NEB: variants seen among roughly 807,000 people sequenced by gnomAD.
NEB encodes the protein nebulin, also known as nemaline myopathy type 2.
A neutral mutation model predicts 952.2 loss-of-function variants in NEB; 512 were observed. The ratio of observed to expected loss-of-function variants is 0.54; its 90% CI spans 0.50 to 0.58. The LOEUF (loss-of-function observed/expected upper bound fraction) is 0.58, where lower values mean the gene tolerates loss of function less well. Among genes scored for constraint, NEB ranks in the 20% least tolerant of loss-of-function variants. The pLI, the probability that NEB is intolerant of heterozygous loss-of-function variation, is 0.00. For missense variants in NEB, 8,428 were observed against 9,231.1 expected (o/e 0.91, Z 3.56); for synonymous variants, 2,900 against 3,149.8 (o/e 0.92, Z 2.66).
In NEB at chr2:151,697,526, G is replaced by C; in HGVS notation, c.1257+18C>G. 6.2e-7 allele frequency: 1 copy of C among 1,605,404 alleles called. No homozygotes were observed. Among genetic ancestry groups the C allele is most frequent in the Non-Finnish European group, 8.5e-7 (1 of 1,173,348 alleles). Reference sequence around the variant, plus strand: ...GGGTTCTTTTTTTAACAGAAAGAGTGACAGTAGGATTGCTTACATCACTAC... The same window carrying C: ...GGGTTCTTTTTTTAACAGAAAGAGTCACAGTAGGATTGCTTACATCACTAC... On this transcript the variant is annotated intron_variant, in intron 14 of 181. Transcript: ENST00000397345.
chr2:151,609,765 C>A, intron 81 of NEB, 44 bp downstream of exon 81: 2 of 1,528,452 alleles, frequency 1.3e-6, no homozygotes, highest in Non-Finnish European at 1.8e-6. Context: ...ATGAACAAAT[C>A]TACATCTTCC....
Position 151,649,274 on chromosome 2 carries a change from A to T in NEB, c.7431+902T>A, listed in dbSNP as rs542075875. ...CATTCTGGAAATCAGCATTATAAAAAGTCTGTGAGGGGTTAGTTAGGAAAA... is the reference window on the plus strand; with the variant it reads ...CATTCTGGAAATCAGCATTATAAAATGTCTGTGAGGGGTTAGTTAGGAAAA... On this transcript the variant is annotated intron_variant, in intron 54 of 181. Coordinates refer to ENST00000397345, the MANE Select transcript of NEB (RefSeq NM_001164508.2). 2.6e-3 allele frequency among the ~76,000 whole-genome samples: 392 copies of T among 152,348 alleles called. 4 individuals are homozygous for T. The highest frequency in any genetic ancestry group is 8.7e-3 in the African/African-American group (360 of 41,586).
chr2:151,734,094 G>C (rs550046486), intron 1 of NEB, among the ~76,000 whole-genome samples: 5 of 152,302 alleles, frequency 3.3e-5, no homozygotes, highest in Admixed American at 6.5e-5. Flanking sequence ...GGAACGTAGA[G>C]CAGCGTATCT....
chr2:151,646,515 T>C (rs945455368), intron 54 of NEB, among the ~76,000 whole-genome samples: 1 of 152,236 alleles, frequency 6.6e-6, no homozygotes, highest in African/African-American at 2.4e-5. Flanking sequence ...TATTATCAAA[T>C]GAAACAGGCT....
At chr2:151,496,466 C>T (rs1006710883) in intron 172 of NEB, 98 bp from the exon 173 acceptor site, 7 of 1,476,680 alleles carry the variant, frequency 4.7e-6, no homozygotes, top group Non-Finnish European at 6.4e-6. Flanking sequence ...TAAGAAAACA[C>T]AGTCGTCCAA....
intron 8 of NEB, among the ~76,000 whole-genome samples, chr2:151,723,750 G>GGT (rs1553685530): frequency 7.6e-4 from 39 of 51,384 alleles, no homozygotes; most frequent in African/African-American, 2.5e-3. Context: ...TGCCTTCTTT[G>GGT]TTTTTTTTTT....
Position 151,485,817 on chromosome 2 carries a change from A to C in NEB, c.25521T>G (p.Thr8507=). 6.2e-7 allele frequency: 1 copy of C among 1,614,118 alleles called. No individual in the cohort carries two copies. Among genetic ancestry groups the C allele is most frequent in the Non-Finnish European group, 8.5e-7 (1 of 1,179,962 alleles). The change falls in exon 182 of 182, where the codon ACT becomes ACG. Residue 8507 remains threonine, a synonymous_variant. Transcript: ENST00000397345. ...TTCCGGTCCTGCCAGTCCTCTGCAC[A>C]GTGCCATACATCCAGCCTTCATCAA... ...QAIDEGWMYG[T]VQRTGRTGML... is the part of the protein sequence containing the mutation.
In NEB at chr2:151,669,059, G is replaced by T; in HGVS notation, c.4579C>A (p.Gln1527Lys). The change falls in exon 39 of 182, where the codon CAA becomes AAA. Residue 1527 changes from glutamine to lysine, a missense_variant. This residue lies in a region of NEB where 2,851 missense variants were observed against 2,791.5 expected (regional missense o/e 1.02). Transcript: ENST00000397345. ...TIDPELPQFI[Q>K]AKVNALNMSD... The stretch of plus-strand genomic sequence containing the variant: ...ATGTTGAGGGCGTTGACTTTGGCTT[G>T]AATAAACTGAGGCAATTCAGGGTCA... 2 of 1,597,676 alleles carry T rather than the reference G, an allele frequency of 1.3e-6. No homozygotes were observed. Among genetic ancestry groups the T allele is most frequent in the Non-Finnish European group, 1.7e-6 (2 of 1,171,260 alleles).
chr2:151,728,650 A>G (rs976856448), intron 4 of NEB, among the ~76,000 whole-genome samples: 3 of 152,190 alleles, frequency 2.0e-5, no homozygotes, highest in African/African-American at 7.2e-5. Context: ...GGAAGACACT[A>G]AGACCCAAAG....
rs185318127 is a variant in NEB, at chr2:151,638,425, C to T, written c.8994+855G>A. 3.3e-3 allele frequency among the ~76,000 whole-genome samples: 503 copies of T among 152,236 alleles called. 3 individuals carry two copies. Among genetic ancestry groups the T allele is most frequent in the African/African-American group, 0.011 (471 of 41,510 alleles). ...TTGGGATATTGGATTTGAAGGTGAA[C>T]CTGGGGTGAAGGTGGCAGGGGAGGC... On this transcript the variant is annotated intron_variant, in intron 63 of 181. Transcript: ENST00000397345.
intron 7 of NEB, 87 bp downstream of exon 7, chr2:151,724,770 C>T: frequency 9.4e-7 from 1 of 1,069,252 alleles, no homozygotes; most frequent in East Asian, 2.4e-5. Context: ...TGGGCAGGAT[C>T]AGGCCTGTCC....
intron 56 of NEB, 60 bp from the exon 57 acceptor site, chr2:151,644,189 G>T: frequency 6.3e-7 from 1 of 1,581,230 alleles, no homozygotes; most frequent in Non-Finnish European, 8.6e-7. Flanking sequence ...CATCTTTGTG[G>T]CAAATTACAA....
At chr2:151,619,884 C>A (rs1006807086) in intron 72 of NEB, 122 bp from the exon 73 acceptor site, 2 of 996,998 alleles carry the variant, frequency 2.0e-6, no homozygotes, top group African/African-American at 3.2e-5. Flanking sequence ...GGTCATGCTG[C>A]TGTAACGCCA....
Position 151,650,222 on chromosome 2 carries a change from G to T in NEB, c.7385C>A (p.Ala2462Asp). ...DRNKFTSIPD[A>D]MDIVLAKTNA... The stretch of plus-strand genomic sequence containing the variant: ...TGTCTTTGCCAGAACTATATCCATG[G>T]CATCAGGAATGCTGGTGAACTTGTT... The change falls in exon 54 of 182, where the codon GCC (alanine) becomes GAC (aspartate). Residue 2462 changes from alanine to aspartate, a missense_variant. Physicochemically the swap from Ala to Asp is moderately radical, Grantham distance 126. Around this residue, in one of 11 missense-constraint regions of NEB, gnomAD observed 1,772 missense variants for 1,960.3 expected, o/e 0.90. Transcript: ENST00000397345. 1.9e-6 allele frequency: 3 copies of T among 1,613,854 alleles called. No individual in the cohort carries two copies. Among genetic ancestry groups the T allele is most frequent in the Non-Finnish European group, 1.7e-6 (2 of 1,179,840 alleles).
At chr2:151,673,732 CTTTT>C (rs10716811) in intron 36 of NEB, among the ~76,000 whole-genome samples, 4 of 92,838 alleles carry the variant, frequency 4.3e-5, no homozygotes, top group Admixed American at 1.3e-4. Flanking sequence ...TTTTCTTTTT[CTTTT>C]TTTTTTTTTT....
chr2:151,665,442 A>G lies in NEB; in HGVS notation c.5129T>C (p.Ile1710Thr), dbSNP rs2099203098. 1 of 1,613,388 alleles carries G rather than the reference A, an allele frequency of 6.2e-7. No homozygotes were observed. Among genetic ancestry groups the G allele is most frequent in the East Asian group, 2.2e-5 (1 of 44,860 alleles). The stretch of plus-strand genomic sequence containing the variant: ...CTGGCGATACTTCTTCTCACTAAGA[A>G]TCTCTCCTGCTTTCTTTGCCTTCTC... ...EVEKAKKAGE[I>T]LSEKKYRQHP... is the part of the protein sequence containing the mutation. Residue 1710 changes from isoleucine to threonine, a missense_variant, in exon 42 of 182, where the codon ATT becomes ACT. By Grantham distance (89) the Ile-to-Thr change is moderately conservative. Transcript: ENST00000397345.
intron 168 of NEB, 188 bp from the exon 169 acceptor site, chr2:151,499,578 G>T: frequency 2.2e-6 from 1 of 449,212 alleles, no homozygotes. Flanking sequence ...TGAAATATCA[G>T]TGTATTTGAT....
chr2:151,575,622 C>T, intron 107 of NEB, 73 bp downstream of exon 107: 1 of 1,059,252 alleles, frequency 9.4e-7, no homozygotes, highest in Non-Finnish European at 1.4e-6. Flanking sequence ...CATCTTCCCT[C>T]CCTTCCATGC....
chr2:151,686,728 G>A (rs1310051390), intron 27 of NEB, among the ~76,000 whole-genome samples: 1 of 151,734 alleles, frequency 6.6e-6, no homozygotes, highest in Non-Finnish European at 1.5e-5. Context: ...AACATTCTCA[G>A]TACTCTTAAG....
Sources: gnomAD v4.1 joint callset for allele counts (sites outside exome capture counted in the v4.1 genomes callset) on GRCh38, gnomAD v4.1.1 for gene constraint, gnomAD v4.1.1 regional missense constraint, MANE v1.5 for transcripts, NCBI Gene and HGNC (gene_info 2026-07-23, HGNC 2026-07-21) for gene names.